The following GABRG3 variants were observed in gnomAD, a reference collection of about 807,000 sequenced individuals.
The protein encoded by GABRG3 is gamma-aminobutyric acid type A receptor subunit gamma3, also known as gamma-aminobutyric acid receptor subunit gamma-3.
A neutral mutation model predicts 48.8 loss-of-function variants in GABRG3; 25 were observed. The ratio of observed to expected loss-of-function variants is 0.51; its 90% CI spans 0.37 to 0.72. GABRG3 has a LOEUF of 0.72. GABRG3 is among the 30% of genes least tolerant of loss of function. GABRG3 has a pLI of 0.00. For missense variants in GABRG3, 394 were observed against 577.9 expected, an observed-to-expected ratio of 0.68 and a Z score of 3.26; for synonymous variants, 227 against 217.6, an observed-to-expected ratio of 1.04 and a Z score of -0.38.
At position 27,336,234 on chromosome 15, in the gene GABRG3, G is replaced by GA. The variant is rs1555372729; in HGVS notation, c.574+7346_574+7347insA. ...AGAGAGAGAGAGAGAGAGAGAGAGA[G>GA]GAGAAGAAAAGAAAGAAAGAAAAAG... On this transcript the variant is annotated intron_variant, in intron 5 of 9. Transcript: ENST00000615808. 4.0e-3 allele frequency among the ~76,000 whole-genome samples: 565 copies of GA among 141,034 alleles called. 4 individuals are homozygous for GA. Among genetic ancestry groups the GA allele is most frequent in the African/African-American group, 0.015 (528 of 35,202 alleles). The allele number at this position is 141,034 out of a possible 152,430, so 92.5% of individuals were successfully genotyped here. A position where few individuals can be genotyped will look rare whatever the true frequency, so the allele number is the denominator to read the frequency against.
chr15:27,349,944 TTC>T (rs1491188492), intron 5 of GABRG3, among the ~76,000 whole-genome samples: 3 of 91,232 alleles, frequency 3.3e-5, no homozygotes, highest in African/African-American at 1.3e-4. Flanking sequence ...TCTTTTTTTT[TTC>T]TTCAGTGACA....
At chr15:27,026,302 C>T (rs984989604) in intron 2 of GABRG3, among the ~76,000 whole-genome samples, 4 of 152,180 alleles carry the variant, frequency 2.6e-5, no homozygotes, top group Non-Finnish European at 5.9e-5. Flanking sequence ...GGAAGGATAG[C>T]TTGACAGCTA....
At chr15:26,983,739 A>T (rs2140640437) in intron 2 of GABRG3, among the ~76,000 whole-genome samples, 1 of 152,210 alleles carries the variant, frequency 6.6e-6, no homozygotes, top group East Asian at 1.9e-4. Flanking sequence ...GTGCCACTGC[A>T]CTCCAGCCTG....
chr15:27,035,305 T>C (rs1192394748), intron 3 of GABRG3, among the ~76,000 whole-genome samples: 1 of 152,212 alleles, frequency 6.6e-6, no homozygotes, highest in East Asian at 1.9e-4. Flanking sequence ...ATTGTAGGAA[T>C]GAATGGTAAC....
At chr15:27,140,271 G>A (rs576634680) in intron 3 of GABRG3, among the ~76,000 whole-genome samples, 226 of 152,218 alleles carry the variant, frequency 1.5e-3, no homozygotes, top group Admixed American at 2.6e-3. Context: ...CCCTCAACCC[G>A]TGAGGGCTGA....
chr15:27,465,651 T>G (rs1008126966), intron 5 of GABRG3, among the ~76,000 whole-genome samples: 2 of 152,208 alleles, frequency 1.3e-5, no homozygotes, highest in Non-Finnish European at 2.9e-5. Flanking sequence ...CAGGTCCCTG[T>G]GGCACTTACA....
chr15:27,265,208 T>A (rs1890881175), intron 3 of GABRG3, among the ~76,000 whole-genome samples: 1 of 152,080 alleles, frequency 6.6e-6, no homozygotes, highest in South Asian at 2.1e-4. Flanking sequence ...TACAAACCTA[T>A]CCTTATTTCT....
intron 7 of GABRG3, 72 bp from the exon 8 acceptor site, chr15:27,527,361 A>G (rs1479075439): frequency 1.4e-6 from 2 of 1,425,316 alleles, no homozygotes; most frequent in Non-Finnish European, 1.9e-6. Context: ...GGGTGGAGGG[A>G]TGTGGGTGAC....
intron 3 of GABRG3, among the ~76,000 whole-genome samples, chr15:27,322,503 T>C (rs1442059700): frequency 1.3e-5 from 2 of 152,148 alleles, no homozygotes; most frequent in African/African-American, 4.8e-5. Context: ...CATGTTCTTC[T>C]TGCAAAAGTA....
At chr15:27,105,662 G>C (rs1218314273) in intron 3 of GABRG3, among the ~76,000 whole-genome samples, 1 of 152,160 alleles carries the variant, frequency 6.6e-6, no homozygotes, top group South Asian at 2.1e-4. Flanking sequence ...ATTGGTGGGG[G>C]TATGGAGAAA....
chr15:27,325,938 T>C (rs1185477684), intron 3 of GABRG3, among the ~76,000 whole-genome samples: 10 of 152,172 alleles, frequency 6.6e-5, no homozygotes. Flanking sequence ...ATGCAAGATA[T>C]AAAAATCCCT....
At chr15:27,117,507 C>T (rs937575955) in intron 3 of GABRG3, among the ~76,000 whole-genome samples, 1 of 152,024 alleles carries the variant, frequency 6.6e-6, no homozygotes, top group Non-Finnish European at 1.5e-5. Flanking sequence ...AAAGGGACTC[C>T]CATGAGGAGC....
At chr15:27,486,142 G>A (rs968799677) in intron 6 of GABRG3, among the ~76,000 whole-genome samples, 2 of 152,146 alleles carry the variant, frequency 1.3e-5, no homozygotes, top group African/African-American at 4.8e-5. Flanking sequence ...GCTCGGGTCA[G>A]GCTCAGAGCA....
chr15:27,298,807 G>T (rs1400869023), intron 3 of GABRG3, among the ~76,000 whole-genome samples: 1 of 151,922 alleles, frequency 6.6e-6, no homozygotes, highest in East Asian at 1.9e-4. Flanking sequence ...ATCTACATTA[G>T]GTATTTCTCC....
chr15:27,225,236 T>G (rs1889573208), intron 3 of GABRG3, among the ~76,000 whole-genome samples: 1 of 152,156 alleles, frequency 6.6e-6, no homozygotes, highest in African/African-American at 2.4e-5. Flanking sequence ...GAAAGCTGTC[T>G]TCCCTTGTCC....
intron 3 of GABRG3, among the ~76,000 whole-genome samples, chr15:27,084,473 A>C (rs1455900738): frequency 6.6e-6 from 1 of 152,268 alleles, no homozygotes; most frequent in Admixed American, 6.5e-5. Flanking sequence ...CTTTAACCCA[A>C]GGTTCTTTTG....
chr15:27,234,671 C>T (rs1430987217), intron 3 of GABRG3, among the ~76,000 whole-genome samples: 3 of 152,180 alleles, frequency 2.0e-5, no homozygotes, highest in Non-Finnish European at 4.4e-5. Context: ...CTTTTAGTTA[C>T]TAAGTAGGTG....
chr15:27,327,297 A>G (rs1478029248), intron 4 of GABRG3, among the ~76,000 whole-genome samples: 1 of 152,198 alleles, frequency 6.6e-6, no homozygotes, highest in Non-Finnish European at 1.5e-5. Context: ...GATTTACACC[A>G]TAGGTCCTCT....
At chr15:27,515,181 C>T (rs1007058371) in intron 6 of GABRG3, among the ~76,000 whole-genome samples, 1 of 152,010 alleles carries the variant, frequency 6.6e-6, no homozygotes, top group Non-Finnish European at 1.5e-5. Flanking sequence ...CAACCTCTGC[C>T]TCCCAGGTTC....
Sources: allele counts gnomAD v4.1 joint callset (sites outside exome capture counted in the v4.1 genomes callset), GRCh38; gene constraint gnomAD v4.1.1; transcripts MANE v1.5; gene names NCBI Gene and HGNC (gene_info 2026-07-23, HGNC 2026-07-21).